Variants in ATP2C2 observed in about 807,000 individuals in gnomAD.
The protein encoded by ATP2C2 is ATPase secretory pathway Ca2+ transporting 2.
ATP2C2 carries 171 observed loss-of-function variants against 110.8 expected under a neutral mutation model. That is an observed-to-expected ratio of 1.54 (90% confidence interval 1.36 to 1.75). ATP2C2 has a LOEUF of 1.75. Among genes scored for constraint, ATP2C2 ranks in the 40% most tolerant of loss-of-function variants. The pLI, the probability that ATP2C2 is intolerant of heterozygous loss-of-function variation, is 0.00. For synonymous variants in ATP2C2, 804 were observed against 508.4 expected (o/e 1.58, Z -7.82); for missense variants, 1,963 against 1,235.0 (o/e 1.59, Z -8.84).
At chr16:84,460,528 G>C (rs745488156) in intron 23 of ATP2C2, 126 bp from the exon 24 acceptor site, 9 of 1,364,768 alleles carry the variant, frequency 6.6e-6, no homozygotes, top group African/African-American at 4.3e-5. Context: ...GCCTGGGGGC[G>C]TTCAGCAAAT....
At chr16:84,382,276 G>GT (rs1910622629) in intron 1 of ATP2C2, among the ~76,000 whole-genome samples, 1 of 152,134 alleles carries the variant, frequency 6.6e-6, no homozygotes, top group African/African-American at 2.4e-5. Context: ...GAGAATGATG[G>GT]TTTCCAGCTT....
rs1185887934 is a variant in ATP2C2, at chr16:84,368,691, G to C, written c.76G>C (p.Glu26Gln). Residue 26 changes from glutamate to glutamine, a missense_variant, in exon 1 of 27, where the codon GAG becomes CAG. Coordinates refer to ENST00000262429, the MANE Select transcript of ATP2C2 (RefSeq NM_014861.4). ...SGGGRQYQALEKDEEEALIDE... is the reference protein window; with the variant it reads ...SGGGRQYQALQKDEEEALIDE... ...CGGGGGCCGCCAGTACCAGGCGCTG[G>C]AGAAGGACGAAGAGGAAGCCTTGGT... is the stretch of plus-strand genomic sequence containing the variant. 6.4e-7 allele frequency: 1 copy of C among 1,551,836 alleles called. No homozygotes were observed. The highest frequency in any genetic ancestry group is 8.7e-7 in the Non-Finnish European group (1 of 1,151,956).
At chr16:84,443,858 T>C (rs986350124) in intron 15 of ATP2C2, among the ~76,000 whole-genome samples, 5 of 152,142 alleles carry the variant, frequency 3.3e-5, no homozygotes, top group African/African-American at 1.2e-4. Flanking sequence ...TCAGGTGCTT[T>C]TCCCCAGTGT....
chr16:84,416,071 G>A (rs1906807928), intron 7 of ATP2C2, among the ~76,000 whole-genome samples: 1 of 152,220 alleles, frequency 6.6e-6, no homozygotes, highest in Admixed American at 6.5e-5. Context: ...CTACTCAGGA[G>A]GCTGAGGCAG....
At chr16:84,383,299 C>A (rs11643776) in intron 1 of ATP2C2, among the ~76,000 whole-genome samples, 1 of 152,200 alleles carries the variant, frequency 6.6e-6, no homozygotes, top group Admixed American at 6.5e-5. Flanking sequence ...TCACTCCACA[C>A]TCACCTGCCG....
intron 2 of ATP2C2, 193 bp from the exon 3 acceptor site, chr16:84,404,935 T>C (rs527515770): frequency 1.9e-5 from 13 of 689,106 alleles, no homozygotes; most frequent in South Asian, 1.2e-4. Context: ...TAATGGTCAC[T>C]GGCTTGTGCC....
intron 1 of ATP2C2, among the ~76,000 whole-genome samples, chr16:84,397,543 C>T (rs1004368665): frequency 1.3e-5 from 2 of 150,048 alleles, no homozygotes; most frequent in Non-Finnish European, 1.5e-5. Flanking sequence ...GGCACAATAG[C>T]ATGCACCTGT....
intron 4 of ATP2C2, 144 bp from the exon 5 acceptor site, chr16:84,410,424 A>G: frequency 4.2e-6 from 4 of 942,452 alleles, no homozygotes; most frequent in Admixed American, 1.9e-5. Context: ...TTTGGCTAGT[A>G]TATTTTCTAA....
chr16:84,376,614 A>T (rs2012232), intron 1 of ATP2C2, among the ~76,000 whole-genome samples: 5 of 151,840 alleles, frequency 3.3e-5, no homozygotes, highest in East Asian at 1.9e-4. Context: ...TCTTCTTCCA[A>T]TGTGGCCCAG....
chr16:84,404,804 A>G (rs991659185), intron 2 of ATP2C2: 8 of 353,622 alleles, frequency 2.3e-5, no homozygotes, highest in African/African-American at 1.5e-4. Context: ...TTACATTCCC[A>G]AGACCTTTTT....
chr16:84,463,391 C>T (rs1372785548), intron 26 of ATP2C2, among the ~76,000 whole-genome samples: 1 of 152,172 alleles, frequency 6.6e-6, no homozygotes, highest in Non-Finnish European at 1.5e-5. Context: ...CCACCCTGTG[C>T]TCTGGAGCTG....
At chr16:84,388,718 C>G (rs115525210) in intron 1 of ATP2C2, among the ~76,000 whole-genome samples, 5 of 152,294 alleles carry the variant, frequency 3.3e-5, no homozygotes, top group Admixed American at 2.0e-4. Context: ...CCAAAGGCAT[C>G]GATCCCAATA....
Position 84,439,538 on chromosome 16 carries a change from G to C in ATP2C2, c.1209+14G>C. 1 of 1,612,392 alleles carries C rather than the reference G, an allele frequency of 6.2e-7. No homozygotes were observed. The highest frequency in any genetic ancestry group is 8.5e-7 in the Non-Finnish European group (1 of 1,178,454). ...CTTCGTGCCGAGGTGAGTGCCAAAG[G>C]AATTTACAAGCCTTAAGGATGCACC... is the stretch of plus-strand genomic sequence containing the variant. On this transcript the variant is annotated intron_variant, in intron 13 of 26. Coordinates refer to ENST00000262429, the MANE Select transcript of ATP2C2 (RefSeq NM_014861.4).
chr16:84,424,815 G>C (rs1208984317), intron 10 of ATP2C2, among the ~76,000 whole-genome samples: 1 of 152,114 alleles, frequency 6.6e-6, no homozygotes, highest in East Asian at 1.9e-4. Flanking sequence ...TTTCGGAAGA[G>C]ATGTACCTAG....
At chr16:84,392,795 G>A (rs752796196) in intron 1 of ATP2C2, among the ~76,000 whole-genome samples, 3 of 152,024 alleles carry the variant, frequency 2.0e-5, no homozygotes, top group Non-Finnish European at 4.4e-5. Context: ...TTTACATGCT[G>A]GGGAGGCCGG....
At chr16:84,453,667 G>C (rs1451224507) in intron 20 of ATP2C2, among the ~76,000 whole-genome samples, 1 of 152,176 alleles carries the variant, frequency 6.6e-6, no homozygotes, top group African/African-American at 2.4e-5. Flanking sequence ...TTTAGCTGCA[G>C]GGGATGCTGG....
In ATP2C2 at chr16:84,398,606, T is replaced by C; in HGVS notation, c.207T>C (p.Phe69=). 2 of 1,606,094 alleles carry C rather than the reference T, an allele frequency of 1.2e-6. No homozygotes were observed. Among genetic ancestry groups the C allele is most frequent in the Non-Finnish European group, 1.7e-6 (2 of 1,176,082 alleles). Residue 69 remains phenylalanine, a synonymous_variant, in exon 2 of 27, where the codon TTT becomes TTC. Transcript: ENST00000262429. ...KCQKEDLARA[F]CVDLHTGLSE... ...AGAAAGAGGATTTGGCCAGAGCGTT[T>C]TGTGTAAGAATTGAATTTGCATCTG...
At chr16:84,448,995 C>T (rs1168311454) in intron 17 of ATP2C2, among the ~76,000 whole-genome samples, 1 of 152,242 alleles carries the variant, frequency 6.6e-6, no homozygotes, top group Non-Finnish European at 1.5e-5. Context: ...TCTTTTTGCT[C>T]ATTGCCTCTT....
chr16:84,445,582 C>T (rs1024811948), intron 15 of ATP2C2, among the ~76,000 whole-genome samples: 19 of 152,148 alleles, frequency 1.2e-4, no homozygotes, highest in African/African-American at 4.1e-4. Flanking sequence ...TCTGCAAAGG[C>T]GCTATTCCAA....
Sources: allele counts gnomAD v4.1 joint callset (sites outside exome capture counted in the v4.1 genomes callset), GRCh38; gene constraint gnomAD v4.1.1; transcripts MANE v1.5; gene names NCBI Gene and HGNC (gene_info 2026-07-23, HGNC 2026-07-21).